The following RBFOX1 variants were observed in gnomAD, a reference collection of about 807,000 sequenced individuals.
RBFOX1 encodes the protein RNA binding fox-1 homolog 1.
RBFOX1 carries 8 observed loss-of-function variants against 57.7 expected under a neutral mutation model. That is an observed-to-expected ratio of 0.14 (90% confidence interval 0.08 to 0.25). RBFOX1 has a LOEUF of 0.25. Ranked by LOEUF, RBFOX1 falls within the 10% of genes least tolerant of loss-of-function variation. The pLI is 1.00. For synonymous variants in RBFOX1, 326 were observed against 222.4 expected (o/e 1.47, Z -4.15); for missense variants, 611 against 548.5 (o/e 1.11, Z -1.14).
chr16:7,369,499 G>A (rs1042219252), intron 4 of RBFOX1, among the ~76,000 whole-genome samples: 4 of 152,008 alleles, frequency 2.6e-5, no homozygotes, highest in Non-Finnish European at 5.9e-5. Context: ...ATAACTCCCT[G>A]CATTTGCATT....
chr16:6,120,696 G>C (rs7200942), intron 1 of RBFOX1, among the ~76,000 whole-genome samples: 60,602 of 151,922 alleles, frequency 0.4, 12,548 homozygotes, highest in Non-Finnish European at 0.45. Context: ...TCCTTCTCAG[G>C]CTCTTTTATG....
At chr16:6,704,670 T>A (rs2062420452) in intron 3 of RBFOX1, 1 of 152,364 alleles carries the variant, frequency 6.6e-6, no homozygotes, top group Non-Finnish European at 1.5e-5. Flanking sequence ...CCTGCCTAAC[T>A]GCCTATTTAT....
chr16:6,713,185 G>A (rs903976318), intron 3 of RBFOX1, among the ~76,000 whole-genome samples: 8 of 152,002 alleles, frequency 5.3e-5, no homozygotes, highest in Admixed American at 1.3e-4. Context: ...CCAGTCTTGC[G>A]TATCTTCCAT....
chr16:6,883,709 A>G (rs928836763), intron 3 of RBFOX1, among the ~76,000 whole-genome samples: 1 of 152,184 alleles, frequency 6.6e-6, no homozygotes, highest in Non-Finnish European at 1.5e-5. Context: ...ATGAGATAAA[A>G]TAGTTTCTAA....
rs370500164 is a variant in RBFOX1 at position 6,640,839 on chromosome 16, C to G, written c.-63-13764C>G. Among the ~76,000 whole-genome samples, 23 of 152,184 alleles carry G rather than the reference C, an allele frequency of 1.5e-4. No homozygotes were observed. The East Asian group carries it at 1.8e-3, about 12-fold the overall frequency. ...CTCTCTGACTAGTCCCTGTCATGTT[C>G]TAGCCCCATCTTAGGATTAAGGCCA... On this transcript the variant is annotated intron_variant, in intron 2 of 15. Coordinates refer to ENST00000550418, the MANE Select transcript of RBFOX1 (RefSeq NM_018723.4).
chr16:5,398,172 T>A (rs2151433047), intron 1 of RBFOX1, among the ~76,000 whole-genome samples: 1 of 152,316 alleles, frequency 6.6e-6, no homozygotes, highest in East Asian at 1.9e-4. Context: ...GGTGGCAGCT[T>A]GGGCAAGTGT....
intron 5 of RBFOX1, among the ~76,000 whole-genome samples, chr16:7,577,099 C>T (rs1409396807): frequency 1.3e-5 from 2 of 152,146 alleles, no homozygotes; most frequent in African/African-American, 2.4e-5. Flanking sequence ...ATGAAGGCGG[C>T]GACATTGATT....
At chr16:5,291,321 G>A (rs1596412892) in intron 1 of RBFOX1, among the ~76,000 whole-genome samples, 1 of 138,594 alleles carries the variant, frequency 7.2e-6, no homozygotes, top group African/African-American at 2.7e-5. Flanking sequence ...GGAGTGCAGT[G>A]ACGCGATCTC....
At chr16:7,133,924 A>C (rs2071208433) in intron 4 of RBFOX1, among the ~76,000 whole-genome samples, 2 of 152,352 alleles carry the variant, frequency 1.3e-5, no homozygotes, top group South Asian at 4.1e-4. Context: ...ATATGAATAC[A>C]TGATCTGCTA....
intron 2 of RBFOX1, among the ~76,000 whole-genome samples, chr16:6,455,787 C>G (rs1313539982): frequency 6.6e-6 from 1 of 152,114 alleles, no homozygotes; most frequent in African/African-American, 2.4e-5. Context: ...TTTATTCAAT[C>G]TCTAGTTCCA....
intron 3 of RBFOX1, among the ~76,000 whole-genome samples, chr16:6,987,456 GACACACACACACACACACACACACAC>G (rs199503873): frequency 1.5e-5 from 2 of 135,516 alleles, no homozygotes; most frequent in African/African-American, 2.7e-5. Context: ...AAACTTTTCA[GACACACACACACACACACACACACAC>G]ACACACACAC....
chr16:7,315,188 C>A (rs1292366808), intron 4 of RBFOX1, among the ~76,000 whole-genome samples: 1 of 151,320 alleles, frequency 6.6e-6, no homozygotes, highest in Non-Finnish European at 1.5e-5. Flanking sequence ...CCCTATAGAA[C>A]TGAGAACTGA....
intron 11 of RBFOX1, among the ~76,000 whole-genome samples, chr16:7,632,966 CTCACA>C (rs1451058958): frequency 6.6e-6 from 1 of 152,164 alleles, no homozygotes; most frequent in Non-Finnish European, 1.5e-5. Flanking sequence ...GGAAGCATCT[CTCACA>C]TCACATGAAA....
At chr16:6,136,920 A>G (rs2096671310) in intron 1 of RBFOX1, among the ~76,000 whole-genome samples, 1 of 152,212 alleles carries the variant, frequency 6.6e-6, no homozygotes, top group East Asian at 1.9e-4. Flanking sequence ...GTCTCCTAGC[A>G]AAACAATTTA....
At chr16:7,075,992 T>C (rs1056197988) in intron 4 of RBFOX1, among the ~76,000 whole-genome samples, 1 of 151,804 alleles carries the variant, frequency 6.6e-6, no homozygotes, top group Non-Finnish European at 1.5e-5. Context: ...ATTAGTCCCC[T>C]AAACTGACAC....
chr16:6,220,830 A>T (rs909340254), intron 1 of RBFOX1, among the ~76,000 whole-genome samples: 28 of 151,998 alleles, frequency 1.8e-4, no homozygotes, highest in African/African-American at 6.5e-4. Flanking sequence ...TTTTTAATTT[A>T]TGTGCCTATG....
At chr16:5,729,018 C>G (rs1043358764) in intron 3 of RBFOX1, among the ~76,000 whole-genome samples, 1 of 152,188 alleles carries the variant, frequency 6.6e-6, no homozygotes, top group African/African-American at 2.4e-5. Context: ...GGTGAGAGCT[C>G]TGAAATCATC....
intron 3 of RBFOX1, among the ~76,000 whole-genome samples, chr16:7,005,613 C>G (rs1393204949): frequency 1.3e-5 from 2 of 152,126 alleles, no homozygotes; most frequent in Non-Finnish European, 2.9e-5. Flanking sequence ...TAGGAGGTGG[C>G]TTGACACTCA....
rs537718907 is a variant in RBFOX1, at chr16:7,367,018, A to T, written c.28-151129A>T. Among the ~76,000 whole-genome samples the T allele has an allele frequency of 2.7e-4, 41 of 151,614 alleles. 1 individual carries two copies. The highest frequency in any genetic ancestry group is 5.3e-4 in the Non-Finnish European group (36 of 67,928). On this transcript the variant is annotated intron_variant, in intron 4 of 15. Coordinates refer to ENST00000550418, the MANE Select transcript of RBFOX1 (RefSeq NM_018723.4). Reference sequence around the variant, plus strand: ...AACTCTGGTGTGAAATGAATTGCAGATGGGTTTTCTGGCTTGATTCCCTCC... The same window carrying T: ...AACTCTGGTGTGAAATGAATTGCAGTTGGGTTTTCTGGCTTGATTCCCTCC...
Sources: allele counts gnomAD v4.1 joint callset (sites outside exome capture counted in the v4.1 genomes callset), GRCh38; gene constraint gnomAD v4.1.1; transcripts MANE v1.5; gene names NCBI Gene and HGNC (gene_info 2026-07-23, HGNC 2026-07-21).